Variants in FABP6 observed in about 807,000 individuals in gnomAD.
The protein encoded by FABP6 is gastrotropin.
A neutral mutation model predicts 14.9 loss-of-function variants in FABP6; 13 were observed. That is an observed-to-expected ratio of 0.87 (90% CI 0.57 to 1.39). The LOEUF is 1.39. Among genes scored for constraint, FABP6 ranks in the 40% most tolerant of loss-of-function variants. The pLI is 0.00. For missense variants in FABP6, 161 were observed against 167.2 expected, an observed-to-expected ratio of 0.96 and a Z score of 0.20; for synonymous variants, 75 against 63.6, an observed-to-expected ratio of 1.18 and a Z score of -0.85.
chr5:160,215,390 G>A (rs1333081712), intron 3 of FABP6, among the ~76,000 whole-genome samples: 1 of 152,142 alleles, frequency 6.6e-6, no homozygotes, highest in Non-Finnish European at 1.5e-5. Context: ...GCAGGTGCCT[G>A]TAATCCCAGC....
At chr5:160,231,919 C>T (rs893874320) in intron 1 of FABP6, 179 bp from the exon 2 acceptor site, 11 of 620,566 alleles carry the variant, frequency 1.8e-5, no homozygotes, top group African/African-American at 1.5e-4. Flanking sequence ...TAGGGACTTT[C>T]CCCAGCCACA....
intron 1 of FABP6, among the ~76,000 whole-genome samples, chr5:160,230,078 T>C (rs1177726473): frequency 6.6e-6 from 1 of 151,618 alleles, no homozygotes; most frequent in African/African-American, 2.4e-5. Flanking sequence ...AGATGGGGTT[T>C]TACCATGTTG....
At chr5:160,226,747 A>G (rs1384995830), upstream of FABP6, among the ~76,000 whole-genome samples, 1 of 152,186 alleles carries the variant, frequency 6.6e-6, no homozygotes, top group Non-Finnish European at 1.5e-5. Flanking sequence ...ATAAAGATCC[A>G]ATAAATGTGA....
In FABP6 at chr5:160,238,704, T is replaced by C; in HGVS notation, c.*45T>C. The C allele has an allele frequency of 6.3e-7, 1 of 1,592,996 alleles. No homozygotes were observed. Among genetic ancestry groups the C allele is most frequent in the Non-Finnish European group, 8.6e-7 (1 of 1,161,124 alleles). On this transcript the variant is annotated 3_prime_UTR_variant, in exon 4 of 4. Transcript: ENST00000402432. ...GGAGCTACAAACCCACCAATAAAACTGATATAAGGACAGACGCTGCTCGCT... is the reference window on the plus strand; with the variant it reads ...GGAGCTACAAACCCACCAATAAAACCGATATAAGGACAGACGCTGCTCGCT...
At chr5:160,210,253 C>T (rs1257725850) in intron 2 of FABP6, among the ~76,000 whole-genome samples, 1 of 152,168 alleles carries the variant, frequency 6.6e-6, no homozygotes, top group Non-Finnish European at 1.5e-5. Flanking sequence ...TTCTGGCACC[C>T]AGTGATGACC....
chr5:160,229,602 T>C lies in FABP6; in HGVS notation c.45T>C (p.Tyr15=), dbSNP rs1014387638. The change falls in exon 1 of 4, where the codon TAT becomes TAC. Residue 15 remains tyrosine, a synonymous_variant. Coordinates refer to ENST00000402432, the MANE Select transcript of FABP6 (RefSeq NM_001445.3). ...TCGAGATGGAGAGTGAGAAGAATTA[T>C]GATGAGTTCATGAAGCTCCTTGGTG... ...GKFEMESEKN[Y]DEFMKLLGIS... The C allele has an allele frequency of 2.5e-6, 4 of 1,614,008 alleles. No individual in the cohort carries two copies. Among genetic ancestry groups the C allele is most frequent in the Admixed American group, 3.3e-5 (2 of 60,010 alleles).
intron 1 of FABP6, among the ~76,000 whole-genome samples, chr5:160,190,923 T>C (rs1413442882): frequency 6.7e-6 from 1 of 148,504 alleles, no homozygotes; most frequent in Non-Finnish European, 1.5e-5. Context: ...CCATCCTGGC[T>C]AACACAGTGA....
At chr5:160,193,002 T>G (rs1370720465) in intron 1 of FABP6, among the ~76,000 whole-genome samples, 1 of 152,214 alleles carries the variant, frequency 6.6e-6, no homozygotes, top group Non-Finnish European at 1.5e-5. Flanking sequence ...TCTGAACTAC[T>G]TGGGAAGCTG....
chr5:160,230,141 C>T (rs551998652), intron 1 of FABP6, among the ~76,000 whole-genome samples: 55 of 151,892 alleles, frequency 3.6e-4, no homozygotes, highest in African/African-American at 1.1e-3. Flanking sequence ...GCTCGACCTC[C>T]CAAAGTGCTG....
intron 3 of FABP6, among the ~76,000 whole-genome samples, chr5:160,217,634 TTTTA>T (rs1760039316): frequency 6.6e-6 from 1 of 151,728 alleles, no homozygotes; most frequent in Admixed American, 6.6e-5. Flanking sequence ...TATTTATTTA[TTTTA>T]TTATTATTAT....
At chr5:160,223,453 C>T (rs1760176386) in intron 3 of FABP6, among the ~76,000 whole-genome samples, 3 of 140,322 alleles carry the variant, frequency 2.1e-5, no homozygotes, top group Admixed American at 7.6e-5. Context: ...GACAAATTCT[C>T]GCTCTGTTGC....
intron 3 of FABP6, among the ~76,000 whole-genome samples, chr5:160,216,020 T>C (rs903278283): frequency 3.1e-4 from 47 of 152,122 alleles, no homozygotes; most frequent in African/African-American, 1.1e-3. Flanking sequence ...GAAGCCAATG[T>C]GGCGGAAGGA....
At chr5:160,189,292 A>G (rs1759349528) in intron 1 of FABP6, among the ~76,000 whole-genome samples, 1 of 152,008 alleles carries the variant, frequency 6.6e-6, no homozygotes, top group Non-Finnish European at 1.5e-5. Context: ...CCCAGGCTGG[A>G]GTGCAATGGC....
intron 2 of FABP6, among the ~76,000 whole-genome samples, chr5:160,206,630 C>A (rs1284467114): frequency 6.6e-6 from 1 of 152,146 alleles, no homozygotes; most frequent in African/African-American, 2.4e-5. Flanking sequence ...CATTTCTACA[C>A]AGAGCCACAC....
At chr5:160,200,683 G>A (rs1019395201) in intron 2 of FABP6, among the ~76,000 whole-genome samples, 1 of 152,152 alleles carries the variant, frequency 6.6e-6, no homozygotes, top group Non-Finnish European at 1.5e-5. Context: ...CAAAGTGCTG[G>A]GGTTACAGGC....
chr5:160,236,222 G>A (rs1346273875), intron 3 of FABP6, among the ~76,000 whole-genome samples: 1 of 151,906 alleles, frequency 6.6e-6, no homozygotes, highest in Non-Finnish European at 1.5e-5. Flanking sequence ...CACCATGTTG[G>A]CCAGGCTGGT....
At chr5:160,225,225 C>A (rs1258102543), upstream of FABP6, among the ~76,000 whole-genome samples, 1 of 146,420 alleles carries the variant, frequency 6.8e-6, no homozygotes, top group Non-Finnish European at 1.5e-5. Context: ...GCCTCCCAAG[C>A]AGCTGGGACT....
intron 2 of FABP6, among the ~76,000 whole-genome samples, 196 bp from the exon 3 acceptor site, chr5:160,234,624 A>G (rs1288448845): frequency 6.6e-6 from 1 of 151,968 alleles, no homozygotes; most frequent in African/African-American, 2.4e-5. Context: ...ACGGGGTTTC[A>G]CCACGTTGGC....
At chr5:160,219,937 A>T (rs1760096696) in intron 3 of FABP6, among the ~76,000 whole-genome samples, 1 of 152,142 alleles carries the variant, frequency 6.6e-6, no homozygotes, top group African/African-American at 2.4e-5. Context: ...CCCTTCCTAC[A>T]TCCCCAGTAG....
Sources: gnomAD v4.1 joint callset for allele counts (sites outside exome capture counted in the v4.1 genomes callset) on GRCh38, gnomAD v4.1.1 for gene constraint, MANE v1.5 for transcripts, NCBI Gene and HGNC (gene_info 2026-07-23, HGNC 2026-07-21) for gene names.